SCN8A: variants seen among roughly 807,000 people sequenced by gnomAD.
SCN8A encodes sodium voltage-gated channel alpha subunit 8, also known as sodium channel protein type 8 subunit alpha.
SCN8A carries 30 observed loss-of-function variants against 184.1 expected under a neutral mutation model. The observed-to-expected ratio is 0.16, with a 90% CI of 0.12 to 0.22. SCN8A has a LOEUF of 0.22. Ranked by LOEUF, SCN8A falls within the 10% of genes least tolerant of loss-of-function variation. The probability of loss-of-function intolerance (pLI) is 1.00; values close to 1 mark genes in which losing one functional copy is unlikely to be tolerated. For missense variants in SCN8A, 1,057 were observed against 2,498.9 expected (o/e 0.42, Z 12.30); for synonymous variants, 852 against 907.0 (o/e 0.94, Z 1.09).
chr12:51,674,615 G>A (rs949214738), intron 2 of SCN8A, among the ~76,000 whole-genome samples: 15 of 152,108 alleles, frequency 9.9e-5, no homozygotes, highest in Non-Finnish European at 1.0e-4. Context: ...GAATACAGGC[G>A]TGAGCCACTG....
intron 1 of SCN8A, among the ~76,000 whole-genome samples, chr12:51,645,180 A>G (rs1940547567): frequency 6.7e-6 from 1 of 148,990 alleles, no homozygotes; most frequent in Admixed American, 6.6e-5. Flanking sequence ...CTGCCCGGCC[A>G]GCCGCCCTGT....
intron 11 of SCN8A, among the ~76,000 whole-genome samples, chr12:51,711,707 T>A (rs1037751319): frequency 2.7e-5 from 3 of 110,066 alleles, no homozygotes; most frequent in Non-Finnish European, 5.8e-5. Context: ...CCATAGCTTC[T>A]GAGTTCTTTT....
intron 7 of SCN8A, among the ~76,000 whole-genome samples, chr12:51,700,688 C>T (rs572780924): frequency 5.9e-5 from 9 of 152,016 alleles, no homozygotes; most frequent in Admixed American, 3.9e-4. Context: ...AAGGAGATTT[C>T]GGGGACATAT....
chr12:51,609,911 A>G (rs1431947773), intron 1 of SCN8A, among the ~76,000 whole-genome samples: 1 of 152,066 alleles, frequency 6.6e-6, no homozygotes, highest in Non-Finnish European at 1.5e-5. Flanking sequence ...AACATGGCAC[A>G]TGTATACATA....
intron 14 of SCN8A, among the ~76,000 whole-genome samples, chr12:51,758,645 C>G (rs1942715179): frequency 6.6e-6 from 1 of 152,118 alleles, no homozygotes; most frequent in African/African-American, 2.4e-5. Context: ...ACCATGTTGG[C>G]CAGGCTGGTC....
chr12:51,753,702 AAAGTT>A (rs1407549598), intron 14 of SCN8A, among the ~76,000 whole-genome samples: 1 of 152,222 alleles, frequency 6.6e-6, no homozygotes, highest in Non-Finnish European at 1.5e-5. Context: ...TCACATCTGT[AAAGTT>A]AAGATAATAC....
intron 11 of SCN8A, among the ~76,000 whole-genome samples, chr12:51,718,658 C>T (rs1468168209): frequency 2.0e-5 from 3 of 152,040 alleles, no homozygotes; most frequent in South Asian, 4.2e-4. Flanking sequence ...CAGAAATGAG[C>T]TAAATCTGTG....
chr12:51,770,473 C>T (rs1297384124), intron 18 of SCN8A, 56 bp from the exon 19 acceptor site: 9 of 1,496,458 alleles, frequency 6.0e-6, no homozygotes, highest in East Asian at 2.5e-5. Context: ...GAGGAGAGGG[C>T]AGGTCTGGGC....
chr12:51,748,794 A>G (rs1179159053), intron 13 of SCN8A, among the ~76,000 whole-genome samples: 1 of 152,080 alleles, frequency 6.6e-6, no homozygotes, highest in East Asian at 1.9e-4. Flanking sequence ...AACCTTAGTG[A>G]GGGTGGGGGC....
intron 12 of SCN8A, among the ~76,000 whole-genome samples, chr12:51,726,963 A>G (rs550622521): frequency 4.1e-4 from 63 of 152,368 alleles, no homozygotes; most frequent in Middle Eastern, 3.4e-3. Context: ...ATAAAATGCC[A>G]TAAGTTTTAA....
chr12:51,724,859 G>GT lies in SCN8A; in HGVS notation c.1998+2958dup, dbSNP rs769064544. Among the ~76,000 whole-genome samples the GT allele has an allele frequency of 3.3e-5, 5 of 152,076 alleles. No individual in the cohort carries two copies. The South Asian group carries it at 1.0e-3, about 32-fold the overall frequency. On this transcript the variant is annotated intron_variant, in intron 12 of 26. Coordinates refer to ENST00000627620, the MANE Select transcript of SCN8A (RefSeq NM_001330260.2). ...GATCAGGTTTAGGGGTTTTGTTTTT[G>GT]TTTTTTTAGCACCTTCTGTTACACT...
chr12:51,774,692 G>A (rs1458403320), intron 20 of SCN8A, among the ~76,000 whole-genome samples: 1 of 152,134 alleles, frequency 6.6e-6, no homozygotes, highest in East Asian at 1.9e-4. Flanking sequence ...CTTGCCCCAG[G>A]CCAGCAGGAT....
chr12:51,601,379 AG>A (rs1473085534), intron 1 of SCN8A, among the ~76,000 whole-genome samples: 2 of 152,058 alleles, frequency 1.3e-5, no homozygotes, highest in Non-Finnish European at 2.9e-5. Context: ...TGAATGATTA[AG>A]AAGTGTAGTA....
At chr12:51,753,130 T>C (rs1433478002) in intron 14 of SCN8A, among the ~76,000 whole-genome samples, 1 of 152,038 alleles carries the variant, frequency 6.6e-6, no homozygotes, top group African/African-American at 2.4e-5. Context: ...AAGACTTTGC[T>C]CAGAACCATC....
intron 2 of SCN8A, among the ~76,000 whole-genome samples, chr12:51,681,807 A>G (rs1941338856): frequency 6.6e-6 from 1 of 152,236 alleles, no homozygotes; most frequent in African/African-American, 2.4e-5. Flanking sequence ...GAAAGAATAG[A>G]AGATAAGAAA....
In SCN8A at chr12:51,794,500, A is replaced by G; in HGVS notation, c.4654A>G (p.Asn1552Asp). The G allele has an allele frequency of 6.2e-7, 1 of 1,614,008 alleles. No individual in the cohort carries two copies. Among genetic ancestry groups the G allele is most frequent in the Non-Finnish European group, 8.5e-7 (1 of 1,179,874 alleles). ...AGACACTCAAAGCAAGCAGATGGAG[A>G]ACATCCTCTACTGGATTAACCTGGT... The part of the protein sequence containing the change: ...ETDTQSKQME[N>D]ILYWINLVFV... Residue 1552 changes from asparagine (N) to aspartate (D), a missense_variant, in exon 26 of 27, where the codon AAC (asparagine) becomes GAC (aspartate). Physicochemically the swap from Asn to Asp is conservative, Grantham distance 23. Around this residue, in one of 19 missense-constraint regions of SCN8A, gnomAD observed 34 missense variants for 64.0 expected, o/e 0.53. Coordinates refer to ENST00000627620, the MANE Select transcript of SCN8A (RefSeq NM_001330260.2).
rs776446104 is a variant in SCN8A, at chr12:51,721,586, A to G, written c.1676A>G (p.His559Arg). Residue 559 changes from histidine (H) to arginine (R), a missense_variant, in exon 12 of 27, where the codon CAC (histidine) becomes CGC (arginine). Physicochemically the swap from His to Arg is conservative, Grantham distance 29. Transcript: ENST00000627620. ...CCAGGCTCGCCCTTCCTCTCCCGCC[A>G]CAACAGCAAGAGCAGCATCTTCAGT... ...SIPGSPFLSR[H>R]NSKSSIFSFR... 3.7e-6 allele frequency: 6 copies of G among 1,612,522 alleles called. No homozygotes were observed. Among genetic ancestry groups the G allele is most frequent in the Middle Eastern group, 1.7e-4 (1 of 6,054 alleles).
In SCN8A at chr12:51,769,966, A is replaced by G. The variant is rs368596553; in HGVS notation, c.3471A>G (p.Pro1157=). ...AACAGCCTGAGGAATACTTGGATCC[A>G]GATGCCTGCTTCACAGAAGGTGAAA... is the stretch of plus-strand genomic sequence containing the variant. ...PVEQPEEYLD[P]DACFTEGCVQ... Residue 1157 remains proline, a synonymous_variant, in exon 18 of 27, where the codon CCA becomes CCG. Transcript: ENST00000627620. 3 of 1,600,130 alleles carry G rather than the reference A, an allele frequency of 1.9e-6. No individual in the cohort carries two copies. The highest frequency in any genetic ancestry group is 2.6e-6 in the Non-Finnish European group (3 of 1,172,994).
intron 14 of SCN8A, among the ~76,000 whole-genome samples, chr12:51,754,926 A>G (rs937391867): frequency 6.6e-6 from 1 of 152,212 alleles, no homozygotes; most frequent in Non-Finnish European, 1.5e-5. Flanking sequence ...CACTTGATTA[A>G]GGAGGTGTCT....
Sources: gnomAD v4.1 joint callset for allele counts (sites outside exome capture counted in the v4.1 genomes callset) on GRCh38, gnomAD v4.1.1 for gene constraint, gnomAD v4.1.1 regional missense constraint, MANE v1.5 for transcripts, NCBI Gene and HGNC (gene_info 2026-07-23, HGNC 2026-07-21) for gene names.